Variants in SMARCD1 observed in about 807,000 individuals in gnomAD.
The protein encoded by SMARCD1 is SWI/SNF related BAF chromatin remodeling complex subunit D1.
A neutral mutation model predicts 70.8 loss-of-function variants in SMARCD1; 16 were observed. That is an observed-to-expected ratio of 0.23 (90% CI 0.15 to 0.34). The LOEUF (loss-of-function observed/expected upper bound fraction) is 0.34, where lower values mean the gene tolerates loss of function less well. SMARCD1 is among the 10% of genes least tolerant of loss of function. SMARCD1 has a pLI of 1.00. For synonymous variants in SMARCD1, 249 were observed against 246.0 expected, an observed-to-expected ratio of 1.01 and a Z score of -0.11; for missense variants, 409 against 655.5, an observed-to-expected ratio of 0.62 and a Z score of 4.11.
chr12:50,092,649 G>A (rs777111487), intron 9 of SMARCD1, among the ~76,000 whole-genome samples: 2 of 151,954 alleles, frequency 1.3e-5, no homozygotes, highest in Non-Finnish European at 2.9e-5. Context: ...TATAAATTAG[G>A]TCAGTAGAAG....
chr12:50,094,612 C>T (rs1237426868), intron 10 of SMARCD1, 40 bp downstream of exon 10: 1 of 1,590,822 alleles, frequency 6.3e-7, no homozygotes, highest in Non-Finnish European at 8.6e-7. Context: ...ACCACCAGCC[C>T]CTATCACAGC....
chr12:50,092,490 G>A (rs915088209), intron 9 of SMARCD1, among the ~76,000 whole-genome samples: 8 of 149,680 alleles, frequency 5.3e-5, no homozygotes, highest in African/African-American at 2.0e-4. Flanking sequence ...CCAAAGTGCT[G>A]GGATTACAGG....
chr12:50,098,930 CA>C lies in SMARCD1; in HGVS notation c.1495-16del. 6.2e-7 allele frequency: 1 copy of C among 1,613,792 alleles called. No individual in the cohort carries two copies. Among genetic ancestry groups the C allele is most frequent in the South Asian group, 1.1e-5 (1 of 91,072 alleles). On this transcript the variant is annotated splice_polypyrimidine_tract_variant and intron_variant, in intron 12 of 12. Transcript: ENST00000394963. Reference sequence around the variant, plus strand: ...GGTTTGTCTCATCTTCCACTCCCTTCACTATTTTCTCCTTAGGTGCAGCAGA... The same window carrying C: ...GGTTTGTCTCATCTTCCACTCCCTTCCTATTTTCTCCTTAGGTGCAGCAGA...
rs1186787110 is a variant in SMARCD1, at chr12:50,086,882, A to G, written c.531+4A>G. On this transcript the variant is annotated splice_donor_region_variant and intron_variant, in intron 4 of 12. Transcript: ENST00000394963. ...GGCCTTGAAACGTCCCATCAAGGTA[A>G]CACAGGAAAGTACTAGGCAGAGAGC... The G allele has an allele frequency of 1.2e-6, 2 of 1,614,024 alleles. No homozygotes were observed. Among genetic ancestry groups the G allele is most frequent in the East Asian group, 2.2e-5 (1 of 44,898 alleles).
At chr12:50,088,437 G>T in intron 5 of SMARCD1, 84 bp from the exon 6 acceptor site, 2 of 761,260 alleles carry the variant, frequency 2.6e-6, no homozygotes, top group South Asian at 3.3e-5. Flanking sequence ...TTCCATTGTT[G>T]TTGGGGTTCC....
At chr12:50,086,482 G>GTGGTGGTGGTGGTGGTGA in intron 2 of SMARCD1, 134 bp downstream of exon 2, 3 of 952,518 alleles carry the variant, frequency 3.1e-6, no homozygotes, top group Non-Finnish European at 4.7e-6. Flanking sequence ...AGAATGCTTG[G>GTGGTGGTGGTGGTGGTGA]TGGTGGTGGT....
intron 7 of SMARCD1, 43 bp from the exon 8 acceptor site, chr12:50,090,198 C>T (rs561560442): frequency 2.9e-5 from 45 of 1,546,770 alleles, no homozygotes; most frequent in Middle Eastern, 1.8e-4. Context: ...TGCATATAGA[C>T]GCAGCTAACT....
chr12:50,088,165 G>T, intron 5 of SMARCD1: 1 of 680,494 alleles, frequency 1.5e-6, no homozygotes, highest in East Asian at 2.7e-5. Flanking sequence ...AGCTGTTTTT[G>T]TTCTGGCTGC....
rs1950929225 is a variant in SMARCD1, at chr12:50,100,329, C to G, written c.*1329C>G. ...GACAAAGCCCCTGCTTCCCCACCCC[C>G]TCCTCAGGCTCCTGCGAGCACACCC... On this transcript the variant is annotated 3_prime_UTR_variant, in exon 13 of 13. Coordinates refer to ENST00000394963, the MANE Select transcript of SMARCD1 (RefSeq NM_003076.5). 6.6e-6 allele frequency: 1 copy of G among 152,008 alleles called. No individual in the cohort carries two copies. The highest frequency in any genetic ancestry group is 6.6e-5 in the Admixed American group (1 of 15,216). The allele number at this position is 152,008 out of a possible 1,614,324, so 9.4% of individuals were successfully genotyped here.
chr12:50,094,508 C>T lies in SMARCD1; in HGVS notation c.1205C>T (p.Thr402Ile). 2 of 1,613,844 alleles carry T rather than the reference C, an allele frequency of 1.2e-6. No homozygotes were observed. The highest frequency in any genetic ancestry group is 1.7e-6 in the Non-Finnish European group (2 of 1,179,774). Reference sequence around the variant, plus strand: ...GTTGAAGTGGATGACACCTTGAAGACCCAGATGAATTCTTTTCTGCTGTCC... The same window carrying T: ...GTTGAAGTGGATGACACCTTGAAGATCCAGATGAATTCTTTTCTGCTGTCC... Reference protein sequence around the residue: ...IDVEVDDTLKTQMNSFLLSTA... With the variant: ...IDVEVDDTLKIQMNSFLLSTA... The change falls in exon 10 of 13, where the codon ACC becomes ATC. Residue 402 changes from threonine to isoleucine, a missense_variant. Thr to Ile is a moderately conservative substitution (Grantham distance 89). This residue lies in a region of SMARCD1 where 269 missense variants were observed against 498.6 expected (regional missense o/e 0.54). Coordinates refer to ENST00000394963, the MANE Select transcript of SMARCD1 (RefSeq NM_003076.5).
chr12:50,098,881 C>T (rs1368065426), intron 12 of SMARCD1, 66 bp downstream of exon 12: 4 of 1,594,964 alleles, frequency 2.5e-6, no homozygotes, highest in East Asian at 2.2e-5. Flanking sequence ...TGATGGGGGT[C>T]AGTGGTGTTA....
chr12:50,086,595 C>G (rs372325834), intron 2 of SMARCD1, 26 bp from the exon 3 acceptor site: 3 of 1,610,736 alleles, frequency 1.9e-6, no homozygotes. Context: ...CTGTCCCAAC[C>G]TGATAATAGT....
intron 9 of SMARCD1, among the ~76,000 whole-genome samples, chr12:50,093,516 C>G (rs1053735063): frequency 6.6e-6 from 1 of 152,010 alleles, no homozygotes; most frequent in South Asian, 2.1e-4. Flanking sequence ...CAGAGTCTCT[C>G]TCTGTTGCCC....
chr12:50,085,729 G>A (rs1368303578), intron 1 of SMARCD1, 183 bp downstream of exon 1: 4 of 471,154 alleles, frequency 8.5e-6, no homozygotes, highest in African/African-American at 6.0e-5. Context: ...TGCTCCTAGG[G>A]GCATTGTTTC....
chr12:50,086,411 G>C, intron 2 of SMARCD1, 63 bp downstream of exon 2: 1 of 1,412,696 alleles, frequency 7.1e-7, no homozygotes, highest in Non-Finnish European at 9.7e-7. Flanking sequence ...GGTGGTGGGA[G>C]TACCTGAACC....
At position 50,099,847 on chromosome 12, in the gene SMARCD1, A is replaced by G. The variant is rs1950924160; in HGVS notation, c.*847A>G. The G allele has an allele frequency of 6.5e-6, 1 of 152,684 alleles. No individual in the cohort carries two copies. The highest frequency in any genetic ancestry group is 2.1e-4 in the South Asian group (1 of 4,818). 9.5% of individuals were successfully genotyped at this position (152,684 alleles called of 1,614,324 possible). On this transcript the variant is annotated 3_prime_UTR_variant, in exon 13 of 13. Coordinates refer to ENST00000394963, the MANE Select transcript of SMARCD1 (RefSeq NM_003076.5). ...GGAGATGTGACTCATTCATTCACTCACTCCACCCTGCCTCTGCATCCCTTA... is the reference window on the plus strand; with the variant it reads ...GGAGATGTGACTCATTCATTCACTCGCTCCACCCTGCCTCTGCATCCCTTA...
intron 9 of SMARCD1, 60 bp from the exon 10 acceptor site, chr12:50,094,377 C>G: frequency 1.3e-6 from 2 of 1,534,928 alleles, no homozygotes; most frequent in Non-Finnish European, 1.8e-6. Flanking sequence ...CTTTTTGACC[C>G]TGTGTAATTA....
At position 50,085,425 on chromosome 12, in the gene SMARCD1, C is replaced by A; in HGVS notation, c.56C>A (p.Ser19Ter). ...GCTCCAAGCGGCGGCGCCGGAGCCT[C>A]AGGAGGGGCGGGCGCGGCTGCTGCC... The part of the protein sequence containing the change: ...SVAPSGGAGA[S>*]GGAGAAAALG... Residue 19 changes from serine (S) to a stop codon, truncating the protein, a stop_gained, in exon 1 of 13, where the codon TCA becomes TAA. Transcript: ENST00000394963. LOFTEE classifies it high-confidence loss of function. The A allele has an allele frequency of 8.0e-7, 1 of 1,250,924 alleles. No homozygotes were observed. The allele number at this position is 1,250,924 out of a possible 1,614,324, so 77.5% of individuals were successfully genotyped here. A position where few individuals can be genotyped will look rare whatever the true frequency, so the allele number is the denominator to read the frequency against.
At chr12:50,088,101 C>T (rs1950808107) in intron 5 of SMARCD1, 1 of 524,912 alleles carries the variant, frequency 1.9e-6, no homozygotes, top group Non-Finnish European at 3.4e-6. Flanking sequence ...GTCAGAGCCT[C>T]CTTCTCTATA....
Sources: allele counts gnomAD v4.1 joint callset (sites outside exome capture counted in the v4.1 genomes callset), GRCh38; gene constraint gnomAD v4.1.1; regional missense constraint gnomAD v4.1.1; transcripts MANE v1.5; gene names NCBI Gene and HGNC (gene_info 2026-07-23, HGNC 2026-07-21).